ORC2: variants seen among roughly 807,000 people sequenced by gnomAD.
ORC2 encodes the protein origin recognition complex subunit 2.
In ORC2, 37 loss-of-function variants were observed where a neutral mutation model predicts 77.7. That is an observed-to-expected ratio of 0.48 (90% CI 0.37 to 0.63). The LOEUF (loss-of-function observed/expected upper bound fraction) is 0.63. Among genes scored for constraint, ORC2 ranks in the 20% least tolerant of loss-of-function variants. The pLI, the probability that ORC2 is intolerant of heterozygous loss-of-function variation, is 0.00. For synonymous variants in ORC2, 201 were observed against 229.5 expected, an observed-to-expected ratio of 0.88 and a Z score of 1.12; for missense variants, 557 against 661.9, an observed-to-expected ratio of 0.84 and a Z score of 1.74.
chr2:200,957,828 T>G (rs1207315058), intron 3 of ORC2, among the ~76,000 whole-genome samples: 1 of 152,150 alleles, frequency 6.6e-6, no homozygotes, highest in Non-Finnish European at 1.5e-5. Context: ...GGGCATTTTG[T>G]TTTATATTAG....
chr2:200,949,684 C>T lies in ORC2; in HGVS notation c.239-41G>A, dbSNP rs752070062. The T allele has an allele frequency of 6.7e-6, 8 of 1,200,086 alleles. No homozygotes were observed. In the East Asian group the frequency reaches 9.5e-5, roughly 14 times the overall value. The allele number at this position is 1,200,086 out of a possible 1,614,324, so 74.3% of individuals were successfully genotyped here. ...GCAATATACATTTAGGAAAAAAGAA[C>T]AAAATTAACAGAAAAAAATTTTAAC... On this transcript the variant is annotated intron_variant, in intron 4 of 17. Coordinates refer to ENST00000234296, the MANE Select transcript of ORC2 (RefSeq NM_006190.5).
At chr2:200,959,122 T>C (rs1052609343) in intron 2 of ORC2, among the ~76,000 whole-genome samples, 5 of 152,178 alleles carry the variant, frequency 3.3e-5, no homozygotes, top group African/African-American at 1.2e-4. Flanking sequence ...TAGTTGGGAT[T>C]ACAGGCACAT....
At chr2:200,954,908 A>AATG (rs2041440407) in intron 4 of ORC2, among the ~76,000 whole-genome samples, 3 of 64,720 alleles carry the variant, frequency 4.6e-5, no homozygotes, top group South Asian at 3.8e-4. Context: ...ATGAATGAAT[A>AATG]AATAAATAAA....
chr2:200,916,737 C>T (rs1011201487), intron 15 of ORC2, among the ~76,000 whole-genome samples: 1 of 152,160 alleles, frequency 6.6e-6, no homozygotes, highest in Non-Finnish European at 1.5e-5. Context: ...GAGTCTCGCT[C>T]TGTCGCCCAG....
At chr2:200,921,979 G>A (rs2040769732) in intron 13 of ORC2, among the ~76,000 whole-genome samples, 2 of 152,110 alleles carry the variant, frequency 1.3e-5, no homozygotes, top group East Asian at 1.9e-4. Flanking sequence ...TAGGCAAGAT[G>A]TATACAATAG....
At chr2:200,921,593 G>C (rs2040763073) in intron 13 of ORC2, 1 of 152,146 alleles carries the variant, frequency 6.6e-6, no homozygotes, top group Non-Finnish European at 1.5e-5. Context: ...TCATAAAATA[G>C]ACATGATTAG....
intron 11 of ORC2, 33 bp from the exon 12 acceptor site, chr2:200,926,933 C>T (rs1174071066): frequency 1.3e-6 from 2 of 1,595,494 alleles, no homozygotes; most frequent in African/African-American, 1.3e-5. Flanking sequence ...TGAAATTAAA[C>T]TTCAATACCT....
intron 12 of ORC2, 64 bp from the exon 13 acceptor site, chr2:200,925,996 A>T: frequency 1.5e-6 from 1 of 678,502 alleles, no homozygotes; most frequent in East Asian, 2.8e-5. Flanking sequence ...ACAACTAGAA[A>T]ATCAAACCTT....
At chr2:200,936,717 A>G (rs1168189007) in intron 8 of ORC2, among the ~76,000 whole-genome samples, 1 of 152,204 alleles carries the variant, frequency 6.6e-6, no homozygotes, top group African/African-American at 2.4e-5. Flanking sequence ...TTACTAATAC[A>G]TACACATACA....
rs1361811494 is a variant in ORC2 at position 200,911,399 on chromosome 2, A to G, written c.1648-12T>C. 1 of 1,444,208 alleles carries G rather than the reference A, an allele frequency of 6.9e-7. No homozygotes were observed. The highest frequency in any genetic ancestry group is 9.7e-7 in the Non-Finnish European group (1 of 1,025,704). The allele number at this position is 1,444,208 out of a possible 1,614,324, so 89.5% of individuals were successfully genotyped here. On this transcript the variant is annotated splice_polypyrimidine_tract_variant and intron_variant, in intron 17 of 17. Transcript: ENST00000234296. ...ACTCCATCAGTTCCCTGAAAGATTTAAGAATACCTGTACGTTAGTCATTCA... is the reference window on the plus strand; with the variant it reads ...ACTCCATCAGTTCCCTGAAAGATTTGAGAATACCTGTACGTTAGTCATTCA...
chr2:200,940,594 G>C (rs887777782), intron 7 of ORC2, among the ~76,000 whole-genome samples: 4 of 151,706 alleles, frequency 2.6e-5, no homozygotes, highest in Admixed American at 1.3e-4. Flanking sequence ...TTGAGGTCAG[G>C]AGTTCAAGAC....
chr2:200,912,470 T>C (rs1023465960), intron 17 of ORC2, among the ~76,000 whole-genome samples: 48 of 152,152 alleles, frequency 3.2e-4, no homozygotes, highest in African/African-American at 8.9e-4. Flanking sequence ...GGCTGGAGTG[T>C]GGTGGCACGA....
chr2:200,927,147 A>T (rs888996110), intron 11 of ORC2, among the ~76,000 whole-genome samples: 1 of 151,236 alleles, frequency 6.6e-6, no homozygotes, highest in East Asian at 1.9e-4. Context: ...GTCCAGTGGC[A>T]CTCTTGGCTC....
chr2:200,914,997 CCA>C (rs1314702991), intron 15 of ORC2, among the ~76,000 whole-genome samples: 1 of 148,478 alleles, frequency 6.7e-6, no homozygotes, highest in African/African-American at 2.5e-5. Flanking sequence ...TTGATTCTTC[CCA>C]CGTCTTTTTT....
chr2:200,928,298 G>A (rs1196196599), intron 11 of ORC2, among the ~76,000 whole-genome samples: 2 of 142,018 alleles, frequency 1.4e-5, no homozygotes, highest in Admixed American at 1.4e-4. Context: ...GGAGGTTGCA[G>A]AGAGCTGAGA....
intron 1 of ORC2, among the ~76,000 whole-genome samples, chr2:200,961,790 A>T (rs1020320357): frequency 3.3e-5 from 5 of 152,188 alleles, no homozygotes; most frequent in Admixed American, 2.6e-4. Context: ...ATATAAAGGA[A>T]AGCAGAAAAT....
chr2:200,918,804 A>T (rs2040704858), intron 15 of ORC2, among the ~76,000 whole-genome samples: 1 of 152,100 alleles, frequency 6.6e-6, no homozygotes, highest in Admixed American at 6.5e-5. Flanking sequence ...TTTATTCTTT[A>T]GGAAACTAAA....
At chr2:200,937,227 G>A (rs1484400742) in intron 8 of ORC2, among the ~76,000 whole-genome samples, 1 of 152,198 alleles carries the variant, frequency 6.6e-6, no homozygotes, top group South Asian at 2.1e-4. Flanking sequence ...TATTTGGGAT[G>A]AGGAGAAAAC....
At chr2:200,922,577 A>G (rs1174277180) in intron 13 of ORC2, among the ~76,000 whole-genome samples, 2 of 151,408 alleles carry the variant, frequency 1.3e-5, no homozygotes, top group Admixed American at 1.3e-4. Flanking sequence ...TCAGAGAGTG[A>G]GTTAATTTCT....
Sources: gnomAD v4.1 joint callset for allele counts (sites outside exome capture counted in the v4.1 genomes callset) on GRCh38, gnomAD v4.1.1 for gene constraint, MANE v1.5 for transcripts, NCBI Gene and HGNC (gene_info 2026-07-23, HGNC 2026-07-21) for gene names.